The following PDE4D variants were observed in gnomAD, a reference collection of about 807,000 sequenced individuals.
The protein encoded by PDE4D is phosphodiesterase 4D, also known as 3',5'-cyclic-AMP phosphodiesterase 4D.
A neutral mutation model predicts 87.4 loss-of-function variants in PDE4D; 24 were observed. That is an observed-to-expected ratio of 0.27 (90% CI 0.20 to 0.39). The LOEUF is 0.39. PDE4D is among the 10% of genes least tolerant of loss of function. The pLI is 1.00. For synonymous variants in PDE4D, 384 were observed against 383.2 expected, an observed-to-expected ratio of 1.00 and a Z score of -0.02; for missense variants, 714 against 1,041.0, an observed-to-expected ratio of 0.69 and a Z score of 4.32.
At chr5:59,006,951 A>T (rs759063992) in intron 6 of PDE4D, among the ~76,000 whole-genome samples, 1 of 152,172 alleles carries the variant, frequency 6.6e-6, no homozygotes, top group Non-Finnish European at 1.5e-5. Flanking sequence ...AGTAAGTAAC[A>T]GGGCCAGGAT....
chr5:59,695,205 A>AG (rs1308738827), intron 1 of PDE4D, among the ~76,000 whole-genome samples: 1 of 151,706 alleles, frequency 6.6e-6, no homozygotes, highest in Non-Finnish European at 1.5e-5. Flanking sequence ...TTTTGAAAAA[A>AG]AAAAAATATC....
intron 2 of PDE4D, among the ~76,000 whole-genome samples, chr5:60,163,269 C>G (rs1782613837): frequency 6.6e-6 from 1 of 152,042 alleles, no homozygotes; most frequent in African/African-American, 2.4e-5. Context: ...CATTTCTATC[C>G]CTATTTTCTT....
chr5:59,848,771 G>T (rs561983336), intron 1 of PDE4D, among the ~76,000 whole-genome samples: 1 of 152,150 alleles, frequency 6.6e-6, no homozygotes, highest in African/African-American at 2.4e-5. Flanking sequence ...CAGCTGTAAA[G>T]TGTTCAAAAA....
chr5:60,270,221 G>A (rs138544473), intron 1 of PDE4D, among the ~76,000 whole-genome samples: 1 of 152,198 alleles, frequency 6.6e-6, no homozygotes, highest in South Asian at 2.1e-4. Context: ...TGTCATGATC[G>A]AACTGCTTCT....
intron 1 of PDE4D, among the ~76,000 whole-genome samples, chr5:59,747,945 C>A (rs1233326065): frequency 6.6e-6 from 1 of 152,182 alleles, no homozygotes; most frequent in African/African-American, 2.4e-5. Context: ...AAACATAATA[C>A]AATTGACAAC....
chr5:60,500,917 A>T (rs1750039505), intron 1 of PDE4D, among the ~76,000 whole-genome samples: 1 of 152,176 alleles, frequency 6.6e-6, no homozygotes, highest in South Asian at 2.1e-4. Flanking sequence ...GAGGCAACTG[A>T]GGCTGAAATA....
intron 5 of PDE4D, among the ~76,000 whole-genome samples, chr5:59,140,873 C>A (rs892315746): frequency 6.6e-6 from 1 of 152,082 alleles, no homozygotes; most frequent in African/African-American, 2.4e-5. Context: ...AGGAGACAAT[C>A]CTTTGAAGGT....
chr5:59,791,077 C>G (rs1765731749), intron 1 of PDE4D, among the ~76,000 whole-genome samples: 1 of 152,176 alleles, frequency 6.6e-6, no homozygotes, highest in Admixed American at 6.5e-5. Context: ...AGAGTCCTGA[C>G]AGTACGTCCA....
rs1279642047 is a variant in PDE4D at position 60,199,342 on chromosome 5, T to A, written c.-89-13655A>T. ...ATAGCTGTTCAGAGCTTGGTATCTG[T>A]AACTGGAGCCTGTGCTGAATCATTG... On this transcript the variant is annotated intron_variant, in intron 1 of 16. Transcript: ENST00000502484. 2.0e-5 allele frequency among the ~76,000 whole-genome samples: 3 copies of A among 151,766 alleles called. 1 individual carries two copies. The highest frequency in any genetic ancestry group is 4.4e-5 in the Non-Finnish European group (3 of 67,836).
rs865928601 is a variant in PDE4D, at chr5:60,472,538, A to G, written c.-90+15404T>C. ...AGATCCTTGTTGGTTAAGGACATCAATCCTGTAAACTACAACCTCATTACC... is the reference window on the plus strand; with the variant it reads ...AGATCCTTGTTGGTTAAGGACATCAGTCCTGTAAACTACAACCTCATTACC... On this transcript the variant is annotated intron_variant, in intron 1 of 16. Transcript: ENST00000502484. Among the ~76,000 whole-genome samples, 80 of 152,186 alleles carry G rather than the reference A, an allele frequency of 5.3e-4. 1 individual carries two copies. Among genetic ancestry groups the G allele is most frequent in the African/African-American group, 7.0e-4 (29 of 41,462 alleles).
rs188571740 is a variant in PDE4D at position 60,216,407 on chromosome 5, T to C, written c.-89-30720A>G. Among the ~76,000 whole-genome samples, 185 of 152,266 alleles carry C rather than the reference T, an allele frequency of 1.2e-3. 1 individual carries two copies. The highest frequency in any genetic ancestry group is 4.2e-3 in the African/African-American group (173 of 41,574). ...CTTCTCTTGGTAGTGGCATACCTAC[T>C]TCTTTGAGGAAATTGCTTCCTTCTT... On this transcript the variant is annotated intron_variant, in intron 1 of 16. Coordinates refer to the PDE4D transcript ENST00000502484.
At chr5:60,407,547 A>G (rs1176233515) in intron 1 of PDE4D, among the ~76,000 whole-genome samples, 4 of 126,218 alleles carry the variant, frequency 3.2e-5, no homozygotes, top group Non-Finnish European at 6.2e-5. Context: ...TTCGCCTCCC[A>G]GGTTCAAGCG....
chr5:60,257,779 G>A (rs1749247420), intron 1 of PDE4D, among the ~76,000 whole-genome samples: 1 of 151,878 alleles, frequency 6.6e-6, no homozygotes, highest in African/African-American at 2.4e-5. Flanking sequence ...AGCTGCAGAA[G>A]GATGTCTGCA....
At chr5:59,857,128 G>T (rs1484059495) in intron 1 of PDE4D, among the ~76,000 whole-genome samples, 2 of 151,506 alleles carry the variant, frequency 1.3e-5, no homozygotes, top group Non-Finnish European at 2.9e-5. Context: ...TCAGCAATCA[G>T]CCGAGAGCCT....
chr5:59,554,809 A>G (rs994355093), intron 1 of PDE4D, among the ~76,000 whole-genome samples: 1 of 152,184 alleles, frequency 6.6e-6, no homozygotes, highest in African/African-American at 2.4e-5. Context: ...GATGTTCCAC[A>G]CCATAATTTA....
chr5:60,029,516 C>T (rs189361358), intron 2 of PDE4D, among the ~76,000 whole-genome samples: 15 of 152,306 alleles, frequency 9.8e-5, no homozygotes, highest in Non-Finnish European at 2.1e-4. Context: ...ATTGATGTCT[C>T]ATGTCTCTCT....
At chr5:59,528,837 G>C (rs1050602299) in intron 1 of PDE4D, 14 of 271,472 alleles carry the variant, frequency 5.2e-5, no homozygotes, top group Admixed American at 3.2e-4. Flanking sequence ...TGGAATTTCA[G>C]GCAGTTGTGT....
At chr5:59,744,925 T>G (rs1759388767) in intron 1 of PDE4D, among the ~76,000 whole-genome samples, 2 of 152,304 alleles carry the variant, frequency 1.3e-5, no homozygotes, top group South Asian at 2.1e-4. Context: ...CACATCTGAG[T>G]AATATGCCTA....
intron 1 of PDE4D, among the ~76,000 whole-genome samples, chr5:59,745,227 A>C (rs1041150358): frequency 2.0e-5 from 3 of 152,152 alleles, no homozygotes; most frequent in Admixed American, 2.0e-4. Context: ...TTCTCTTTTC[A>C]GGATAAGCCA....
Sources: allele counts gnomAD v4.1 joint callset (sites outside exome capture counted in the v4.1 genomes callset), GRCh38; gene constraint gnomAD v4.1.1; transcripts MANE v1.5; gene names NCBI Gene and HGNC (gene_info 2026-07-23, HGNC 2026-07-21).